Variants in SLC30A6 observed in about 807,000 individuals in gnomAD.
The protein encoded by SLC30A6 is solute carrier family 30 member 6, also known as zinc transporter 6.
A neutral mutation model predicts 63.0 loss-of-function variants in SLC30A6; 55 were observed. The observed-to-expected ratio is 0.87, with a 90% CI of 0.70 to 1.09. The LOEUF is 1.09. SLC30A6 is among the 50% of genes least tolerant of loss of function. The pLI is 0.00. For missense variants in SLC30A6, 587 were observed against 549.2 expected (o/e 1.07, Z -0.69); for synonymous variants, 224 against 186.1 (o/e 1.20, Z -1.66).
At chr2:32,212,798 A>T (rs1327202482) in intron 13 of SLC30A6, among the ~76,000 whole-genome samples, 1 of 149,702 alleles carries the variant, frequency 6.7e-6, no homozygotes, top group Non-Finnish European at 1.5e-5. Context: ...GGGTTTCACC[A>T]TGTTGGCCAG....
At chr2:32,196,751 G>A (rs1362164902) in intron 8 of SLC30A6, among the ~76,000 whole-genome samples, 4 of 152,100 alleles carry the variant, frequency 2.6e-5, no homozygotes, top group Non-Finnish European at 5.9e-5. Context: ...ACACTAGTTA[G>A]GAAGCTCTGC....
intron 4 of SLC30A6, among the ~76,000 whole-genome samples, chr2:32,178,201 C>T (rs1453245981): frequency 6.6e-6 from 1 of 152,058 alleles, no homozygotes; most frequent in Non-Finnish European, 1.5e-5. Context: ...CCCGCCTCGG[C>T]TTCCCAAAGT....
intron 13 of SLC30A6, among the ~76,000 whole-genome samples, chr2:32,219,166 T>C (rs1558433382): frequency 6.6e-6 from 1 of 151,946 alleles, no homozygotes; most frequent in Non-Finnish European, 1.5e-5. Flanking sequence ...CCTGAGTAGC[T>C]GGGATTATAG....
intron 6 of SLC30A6, 52 bp downstream of exon 6, chr2:32,192,468 C>T: frequency 6.6e-7 from 1 of 1,506,560 alleles, no homozygotes; most frequent in Non-Finnish European, 9.2e-7. Flanking sequence ...CCTTTGGGAA[C>T]ATGAAAGAAA....
At chr2:32,183,687 CAA>C (rs564803931) in intron 4 of SLC30A6, among the ~76,000 whole-genome samples, 23 of 110,030 alleles carry the variant, frequency 2.1e-4, no homozygotes, top group Admixed American at 6.9e-4. Flanking sequence ...GACTCTGTCT[CAA>C]AAAAAAAAAA....
intron 2 of SLC30A6, among the ~76,000 whole-genome samples, chr2:32,172,628 T>A (rs1417806997): frequency 6.6e-6 from 1 of 152,192 alleles, no homozygotes; most frequent in Non-Finnish European, 1.5e-5. Context: ...TCTACTTGCA[T>A]CTAAGCAACT....
At position 32,208,944 on chromosome 2, in the gene SLC30A6, A is replaced by G. The variant is rs115869260; in HGVS notation, c.817-549A>G. 4.2e-3 allele frequency among the ~76,000 whole-genome samples: 636 copies of G among 152,344 alleles called. 9 individuals carry two copies. Among genetic ancestry groups the G allele is most frequent in the African/African-American group, 0.015 (626 of 41,572 alleles). ...TGTGACAGAGGCCACTTTTACCAGT[A>G]TAACTGGCTACTACTCTCAACTAGT... On this transcript the variant is annotated intron_variant, in intron 12 of 13. Coordinates refer to ENST00000282587, the MANE Select transcript of SLC30A6 (RefSeq NM_017964.5).
rs1411244480 is a variant in SLC30A6, at chr2:32,221,519, GA to G, written c.*811del. ...TGAATAATACACATTTTGGGAAAGG[GA>G]AAAATGTCTGTTCAAAAAGTAAAAG... On this transcript the variant is annotated 3_prime_UTR_variant, in exon 14 of 14. Coordinates refer to ENST00000282587, the MANE Select transcript of SLC30A6 (RefSeq NM_017964.5). 6.6e-6 allele frequency: 1 copy of G among 152,122 alleles called. No homozygotes were observed. The highest frequency in any genetic ancestry group is 1.5e-5 in the Non-Finnish European group (1 of 68,030). The allele number at this position is 152,122 out of a possible 1,614,324, so 9.4% of individuals were successfully genotyped here. A position where few individuals can be genotyped will look rare whatever the true frequency, so the allele number is the denominator to read the frequency against.
chr2:32,197,806 A>T lies in SLC30A6; in HGVS notation c.645A>T (p.Thr215=), dbSNP rs374439355. ...DLAGAFALCI[T]YMLIEINNYF... ...CTGGAGCATTTGCTCTTTGTATTAC[A>T]TATATGCTCATTGAAATTAAGTGAG... The change falls in exon 10 of 14, where the codon ACA becomes ACT. Residue 215 remains threonine, a synonymous_variant. Coordinates refer to ENST00000282587, the MANE Select transcript of SLC30A6 (RefSeq NM_017964.5). 1.3e-5 allele frequency: 21 copies of T among 1,613,582 alleles called. No homozygotes were observed. The highest frequency in any genetic ancestry group is 1.8e-5 in the Non-Finnish European group (21 of 1,179,928).
intron 8 of SLC30A6, among the ~76,000 whole-genome samples, chr2:32,195,697 A>T (rs1001255216): frequency 6.7e-6 from 1 of 148,700 alleles, no homozygotes; most frequent in African/African-American, 2.4e-5. Flanking sequence ...ATATTATATT[A>T]TATTTATTTA....
chr2:32,180,301 A>G (rs1213822935), intron 4 of SLC30A6, among the ~76,000 whole-genome samples: 8 of 151,962 alleles, frequency 5.3e-5, no homozygotes, highest in Non-Finnish European at 1.2e-4. Context: ...TACTCACTGA[A>G]TAGTAGGCAG....
intron 13 of SLC30A6, among the ~76,000 whole-genome samples, chr2:32,211,941 T>C (rs2148899542): frequency 6.6e-6 from 1 of 152,304 alleles, no homozygotes; most frequent in African/African-American, 2.4e-5. Flanking sequence ...CTTTTGATAA[T>C]GCTGTTTCAA....
At chr2:32,208,604 T>C (rs971521303) in intron 12 of SLC30A6, among the ~76,000 whole-genome samples, 91 of 151,988 alleles carry the variant, frequency 6.0e-4, no homozygotes, top group Admixed American at 2.9e-3. Flanking sequence ...TTTTTTTTTT[T>C]CCAGGGGGTA....
intron 12 of SLC30A6, among the ~76,000 whole-genome samples, chr2:32,207,510 G>A (rs551941524): frequency 1.0e-3 from 152 of 151,502 alleles, no homozygotes; most frequent in Middle Eastern, 6.8e-3. Context: ...CTGAGTAGCC[G>A]GGACTACAGA....
chr2:32,205,308 C>G (rs1390469181), intron 11 of SLC30A6, among the ~76,000 whole-genome samples: 1 of 152,172 alleles, frequency 6.6e-6, no homozygotes, highest in Non-Finnish European at 1.5e-5. Context: ...GTAATCCCAG[C>G]TACTCGGGAG....
intron 10 of SLC30A6, chr2:32,202,860 A>T: frequency 3.3e-6 from 3 of 907,464 alleles, no homozygotes; most frequent in Non-Finnish European, 5.5e-6. Context: ...TTTTGGAAAA[A>T]TGACTCAAAA....
chr2:32,170,538 G>T (rs1217293783), intron 1 of SLC30A6, among the ~76,000 whole-genome samples: 2 of 152,190 alleles, frequency 1.3e-5, no homozygotes, highest in Admixed American at 1.3e-4. Flanking sequence ...TAGCCAGGAT[G>T]TCAGATACTT....
chr2:32,178,036 C>G (rs1681938796), intron 4 of SLC30A6, among the ~76,000 whole-genome samples: 1 of 151,184 alleles, frequency 6.6e-6, no homozygotes, highest in Non-Finnish European at 1.5e-5. Flanking sequence ...CAATCTCCGC[C>G]TCCCAGGTTC....
intron 12 of SLC30A6, among the ~76,000 whole-genome samples, chr2:32,207,714 T>TC: frequency 7.1e-6 from 1 of 141,020 alleles, no homozygotes; most frequent in South Asian, 2.4e-4. Flanking sequence ...TTTTTTTTTT[T>TC]TTCTGAGATG....
Sources: gnomAD v4.1 joint callset for allele counts (sites outside exome capture counted in the v4.1 genomes callset) on GRCh38, gnomAD v4.1.1 for gene constraint, MANE v1.5 for transcripts, NCBI Gene and HGNC (gene_info 2026-07-23, HGNC 2026-07-21) for gene names.